The following DEPDC1B variants were observed in gnomAD, a reference collection of about 807,000 sequenced individuals.
DEPDC1B encodes DEP domain-containing protein 1B.
Under a neutral mutation model 66.5 loss-of-function variants are expected in DEPDC1B, and 51 were observed. The ratio of observed to expected loss-of-function variants is 0.77; its 90% CI spans 0.61 to 0.97. DEPDC1B has a LOEUF of 0.97. Ranked by LOEUF, DEPDC1B falls within the 50% of genes least tolerant of loss-of-function variation. The pLI, the probability that DEPDC1B is intolerant of heterozygous loss-of-function variation, is 0.00. For missense variants in DEPDC1B, 552 were observed against 637.1 expected (o/e 0.87, Z 1.44); for synonymous variants, 226 against 223.6 (o/e 1.01, Z -0.10).
chr5:60,646,100 C>G (rs776229691), intron 3 of DEPDC1B, among the ~76,000 whole-genome samples: 16 of 152,202 alleles, frequency 1.1e-4, no homozygotes, highest in Non-Finnish European at 1.5e-4. Flanking sequence ...GCCCCCAAAT[C>G]TTAGCCATCT....
At chr5:60,648,391 T>C (rs1359732535) in intron 2 of DEPDC1B, among the ~76,000 whole-genome samples, 3 of 152,228 alleles carry the variant, frequency 2.0e-5, no homozygotes, top group African/African-American at 7.2e-5. Flanking sequence ...CTCTAAAATT[T>C]ATTGCTCTTT....
At chr5:60,627,185 C>G (rs1752824196) in intron 7 of DEPDC1B, among the ~76,000 whole-genome samples, 2 of 151,996 alleles carry the variant, frequency 1.3e-5, no homozygotes, top group South Asian at 4.1e-4. Context: ...TAACTTCTTC[C>G]CCATTGCTGG....
intron 3 of DEPDC1B, among the ~76,000 whole-genome samples, chr5:60,646,997 T>A (rs892554991): frequency 6.6e-6 from 1 of 152,016 alleles, no homozygotes; most frequent in Non-Finnish European, 1.5e-5. Context: ...TTATGGTGAG[T>A]AGCATAATTA....
chr5:60,657,538 C>T (rs867153338), intron 2 of DEPDC1B, among the ~76,000 whole-genome samples: 52 of 152,196 alleles, frequency 3.4e-4, no homozygotes, highest in Middle Eastern at 3.4e-3. Flanking sequence ...TGTATCTTTG[C>T]TTTGTTTATG....
intron 2 of DEPDC1B, among the ~76,000 whole-genome samples, chr5:60,648,588 T>C (rs1753374071): frequency 6.6e-6 from 1 of 152,160 alleles, no homozygotes; most frequent in Non-Finnish European, 1.5e-5. Context: ...CATCTTCAAA[T>C]AGAGAAACAT....
chr5:60,688,352 A>G (rs1163340717), intron 1 of DEPDC1B, among the ~76,000 whole-genome samples: 1 of 152,174 alleles, frequency 6.6e-6, no homozygotes, highest in East Asian at 1.9e-4. Flanking sequence ...TGAAAAGTAG[A>G]CTGGGTAGAG....
intron 2 of DEPDC1B, among the ~76,000 whole-genome samples, chr5:60,657,816 C>T (rs983613781): frequency 6.6e-6 from 1 of 152,176 alleles, no homozygotes; most frequent in African/African-American, 2.4e-5. Context: ...CTTTGAGCTT[C>T]TTGTATTTGG....
At chr5:60,612,878 T>G (rs1292091266) in intron 7 of DEPDC1B, among the ~76,000 whole-genome samples, 2 of 152,170 alleles carry the variant, frequency 1.3e-5, no homozygotes, top group African/African-American at 4.8e-5. Flanking sequence ...ATGTCAATCA[T>G]ATTGTTCTGG....
At chr5:60,598,236 C>A (rs952134254) in intron 10 of DEPDC1B, among the ~76,000 whole-genome samples, 3 of 152,178 alleles carry the variant, frequency 2.0e-5, no homozygotes, top group Non-Finnish European at 4.4e-5. Context: ...GGCCCAATTA[C>A]ATTTCATCAT....
At chr5:60,658,423 ATT>A (rs1244569713) in intron 2 of DEPDC1B, among the ~76,000 whole-genome samples, 1 of 152,120 alleles carries the variant, frequency 6.6e-6, no homozygotes, top group African/African-American at 2.4e-5. Flanking sequence ...ATTTGTGTAG[ATT>A]ATGTCAAAGG....
chr5:60,666,358 G>T (rs905575281), intron 2 of DEPDC1B, among the ~76,000 whole-genome samples: 4 of 152,116 alleles, frequency 2.6e-5, no homozygotes, highest in Non-Finnish European at 5.9e-5. Context: ...CTTAGAATCC[G>T]TGAAGCCAAG....
chr5:60,654,717 G>T (rs771378233), intron 2 of DEPDC1B, among the ~76,000 whole-genome samples: 1 of 148,618 alleles, frequency 6.7e-6, no homozygotes, highest in Non-Finnish European at 1.5e-5. Context: ...TTCTCAGGGG[G>T]AATGCTTTCC....
intron 7 of DEPDC1B, among the ~76,000 whole-genome samples, chr5:60,633,121 A>G (rs286153): frequency 0.55 from 83,554 of 152,016 alleles, 23,145 homozygotes; most frequent in Admixed American, 0.6. Context: ...TCACTTCTGA[A>G]GAATCTGAGG....
At chr5:60,634,634 T>C (rs1272170087) in intron 7 of DEPDC1B, among the ~76,000 whole-genome samples, 2 of 151,026 alleles carry the variant, frequency 1.3e-5, no homozygotes, top group African/African-American at 2.4e-5. Flanking sequence ...ATCATGCCAC[T>C]GCACTCCAGC....
chr5:60,687,691 A>G (rs1199392524), intron 1 of DEPDC1B: 1 of 161,764 alleles, frequency 6.2e-6, no homozygotes, highest in African/African-American at 2.4e-5. Context: ...ATGCCCAGCT[A>G]ATTTTTGTAT....
chr5:60,622,976 C>T (rs2441052), intron 7 of DEPDC1B, among the ~76,000 whole-genome samples: 8,034 of 152,098 alleles, frequency 0.053, 445 homozygotes, highest in African/African-American at 0.14. Flanking sequence ...TTTCAAAGAG[C>T]AGAAATTTCC....
At chr5:60,696,033 G>A (rs1316097879) in intron 1 of DEPDC1B, among the ~76,000 whole-genome samples, 3 of 152,122 alleles carry the variant, frequency 2.0e-5, no homozygotes, top group Non-Finnish European at 4.4e-5. Flanking sequence ...TCCTGACCTC[G>A]TGATCCACCC....
Position 60,603,480 on chromosome 5 carries a change from G to A in DEPDC1B, c.1153C>T (p.Leu385=). The change falls in exon 9 of 11, where the codon CTG becomes TTG. Residue 385 remains leucine, a synonymous_variant. Coordinates refer to ENST00000265036, the MANE Select transcript of DEPDC1B (RefSeq NM_018369.3). ...AGAATTTCCTGGTAATTGTCCATCA[G>A]AAACGTTACCAATCTAGCAGCTAAT... The part of the protein sequence containing the change: ...ELLAARLVTF[L]MDNYQEILKV... 6.2e-7 allele frequency: 1 copy of A among 1,613,032 alleles called. No individual in the cohort carries two copies. The highest frequency in any genetic ancestry group is 8.5e-7 in the Non-Finnish European group (1 of 1,179,644).
At chr5:60,603,225 A>C (rs910874791) in intron 9 of DEPDC1B, among the ~76,000 whole-genome samples, 166 bp downstream of exon 9, 1 of 152,180 alleles carries the variant, frequency 6.6e-6, no homozygotes, top group Admixed American at 6.5e-5. Flanking sequence ...CTTTTCAATG[A>C]TAATACAAAC....
Sources: allele counts gnomAD v4.1 joint callset (sites outside exome capture counted in the v4.1 genomes callset), GRCh38; gene constraint gnomAD v4.1.1; transcripts MANE v1.5; gene names NCBI Gene and HGNC (gene_info 2026-07-23, HGNC 2026-07-21).